The following CADPS variants were observed in gnomAD, a reference collection of about 807,000 sequenced individuals.
CADPS encodes the protein calcium dependent secretion activator, also known as calcium-dependent secretion activator 1.
In CADPS, 57 loss-of-function variants were observed where a neutral mutation model predicts 167.3. That is an observed-to-expected ratio of 0.34 (90% CI 0.28 to 0.42). The LOEUF is 0.42. Among genes scored for constraint, CADPS ranks in the 20% least tolerant of loss-of-function variants. CADPS has a pLI of 1.00. For missense variants in CADPS, 1,414 were observed against 1,738.1 expected (o/e 0.81, Z 3.32); for synonymous variants, 676 against 635.3 (o/e 1.06, Z -0.96).
intron 1 of CADPS, among the ~76,000 whole-genome samples, chr3:62,798,543 TTG>T (rs1355858798): frequency 6.6e-6 from 1 of 152,116 alleles, no homozygotes; most frequent in Non-Finnish European, 1.5e-5. Context: ...CACCTTGTGA[TTG>T]TGTGAGTCAA....
intron 6 of CADPS, among the ~76,000 whole-genome samples, chr3:62,629,757 G>GTTTTTTTTTTTTTTTTTTTTTTTTTTTT (rs55956118): frequency 1.9e-4 from 28 of 145,726 alleles, no homozygotes; most frequent in Middle Eastern, 3.6e-3. Flanking sequence ...CTCTGGTACA[G>GTTTTTTTTTTTTTTTTTTTTTTTTTTTT]TTTTTTTTTT....
At chr3:62,817,083 T>C (rs187614364) in intron 1 of CADPS, among the ~76,000 whole-genome samples, 2 of 152,276 alleles carry the variant, frequency 1.3e-5, no homozygotes, top group East Asian at 3.9e-4. Flanking sequence ...CTGGAGTCTC[T>C]AAGGATTTGA....
At chr3:62,642,070 T>C (rs1029619025) in intron 6 of CADPS, among the ~76,000 whole-genome samples, 5 of 150,866 alleles carry the variant, frequency 3.3e-5, no homozygotes, top group African/African-American at 1.2e-4. Context: ...CTTAGACAAA[T>C]TGGGTTATGT....
intron 5 of CADPS, among the ~76,000 whole-genome samples, chr3:62,650,292 C>T (rs1398039074): frequency 6.6e-6 from 1 of 152,068 alleles, no homozygotes; most frequent in African/African-American, 2.4e-5. Context: ...CAGAACTACT[C>T]CTTAGATTAT....
At chr3:62,501,381 T>C (rs776194582) in intron 17 of CADPS, among the ~76,000 whole-genome samples, 1 of 152,224 alleles carries the variant, frequency 6.6e-6, no homozygotes, top group African/African-American at 2.4e-5. Context: ...TTGGGTAATA[T>C]GTGTAGAGTG....
rs149124990 is a variant in CADPS, at chr3:62,697,801, C to T, written c.889-35407G>A. 1.5e-3 allele frequency among the ~76,000 whole-genome samples: 228 copies of T among 152,196 alleles called. 1 individual carries two copies. The highest frequency in any genetic ancestry group is 2.7e-3 in the Non-Finnish European group (182 of 68,014). On this transcript the variant is annotated intron_variant, in intron 3 of 29. Coordinates refer to ENST00000383710, the MANE Select transcript of CADPS (RefSeq NM_003716.4). ...AATTTTTAAATTATGGCCATTCTTG[C>T]AGCAATAAGGTGGTATCACATTGTG... is the stretch of plus-strand genomic sequence containing the variant.
At chr3:62,626,538 T>C (rs1182217769) in intron 6 of CADPS, 1 of 702,916 alleles carries the variant, frequency 1.4e-6, no homozygotes, top group Admixed American at 2.0e-5. Flanking sequence ...AATGGCACTG[T>C]GAGGCAGTTG....
At chr3:62,848,514 A>C (rs375357483) in intron 1 of CADPS, among the ~76,000 whole-genome samples, 15 of 140,326 alleles carry the variant, frequency 1.1e-4, no homozygotes, top group Middle Eastern at 3.8e-3. Flanking sequence ...CCAGTTTTCC[A>C]AGCACCATTT....
At chr3:62,603,354 A>G (rs141546680) in intron 6 of CADPS, among the ~76,000 whole-genome samples, 2 of 152,388 alleles carry the variant, frequency 1.3e-5, no homozygotes, top group East Asian at 1.9e-4. Context: ...GGAAAATTCC[A>G]TGCTATAAAC....
In CADPS at chr3:62,577,126, C is replaced by T. The variant is rs551806129; in HGVS notation, c.1578-6188G>A. Among the ~76,000 whole-genome samples the T allele has an allele frequency of 4.3e-4, 66 of 152,180 alleles. 1 individual carries two copies. Among genetic ancestry groups the T allele is most frequent in the Non-Finnish European group, 6.6e-4 (45 of 67,998 alleles). Reference sequence around the variant, plus strand: ...CCCAAAATTGCTGAATCCTGGAAGACCCCTCTGGCCTCAGTGTCCCTCTGC... The same window carrying T: ...CCCAAAATTGCTGAATCCTGGAAGATCCCTCTGGCCTCAGTGTCCCTCTGC... On this transcript the variant is annotated intron_variant, in intron 8 of 29. Transcript: ENST00000383710.
At chr3:62,515,428 GTGATT>G (rs1466553037) in intron 16 of CADPS, among the ~76,000 whole-genome samples, 5 of 152,184 alleles carry the variant, frequency 3.3e-5, no homozygotes, top group African/African-American at 1.2e-4. Context: ...AGCACCTTTG[GTGATT>G]ACTGGGTCAT....
chr3:62,602,160 A>G lies in CADPS; in HGVS notation c.1326-9412T>C, dbSNP rs79554233. Among the ~76,000 whole-genome samples, 1,666 of 151,980 alleles carry G rather than the reference A, an allele frequency of 0.011. 19 individuals carry two copies. The highest frequency in any genetic ancestry group is 0.038 in the African/African-American group (1,591 of 41,478). ...TAAACATCCACTGCAAACCTTTGAC[A>G]ACAGAGTGATATTTACGAATGCATA... On this transcript the variant is annotated intron_variant, in intron 6 of 29. Coordinates refer to ENST00000383710, the MANE Select transcript of CADPS (RefSeq NM_003716.4). This position sits in a 1 kb window ranked among gnomAD's most constrained non-coding sequence, Gnocchi z 4.4.
chr3:62,650,618 T>C (rs946266543), intron 5 of CADPS, among the ~76,000 whole-genome samples: 12 of 152,188 alleles, frequency 7.9e-5, no homozygotes, highest in African/African-American at 2.9e-4. Flanking sequence ...CAGAAAGTAA[T>C]GCAAGATTAA....
chr3:62,871,078 G>A (rs550457387), intron 1 of CADPS, among the ~76,000 whole-genome samples: 38 of 152,008 alleles, frequency 2.5e-4, no homozygotes, highest in African/African-American at 8.4e-4. Context: ...ATAATATATC[G>A]GTAAATAATA....
At chr3:62,401,101 G>C (rs770964195) in intron 29 of CADPS, among the ~76,000 whole-genome samples, 2 of 152,212 alleles carry the variant, frequency 1.3e-5, no homozygotes, top group Non-Finnish European at 2.9e-5. Flanking sequence ...CAACCTGCAA[G>C]TCTTGCTGAG....
chr3:62,709,895 G>C (rs749390581), intron 3 of CADPS, among the ~76,000 whole-genome samples: 12 of 151,482 alleles, frequency 7.9e-5, no homozygotes, highest in Non-Finnish European at 1.3e-4. Context: ...TCAGCCTCCC[G>C]AGTGGCTGGG....
chr3:62,638,722 A>C (rs1003729482), intron 6 of CADPS, among the ~76,000 whole-genome samples: 1 of 152,152 alleles, frequency 6.6e-6, no homozygotes, highest in Non-Finnish European at 1.5e-5. Flanking sequence ...ATTCCAACTA[A>C]TTTCAGAAAT....
intron 1 of CADPS, among the ~76,000 whole-genome samples, chr3:62,826,186 A>G (rs975901887): frequency 2.0e-5 from 3 of 152,208 alleles, no homozygotes; most frequent in African/African-American, 7.2e-5. Flanking sequence ...TTTCTGAGAC[A>G]TAAGGACTTT....
At chr3:62,493,954 CG>C (rs1190555257) in intron 18 of CADPS, among the ~76,000 whole-genome samples, 1 of 151,986 alleles carries the variant, frequency 6.6e-6, no homozygotes, top group African/African-American at 2.4e-5. Context: ...TAAGTGTAAA[CG>C]TTTTTTAAGC....
Sources: gnomAD v4.1 joint callset for allele counts (sites outside exome capture counted in the v4.1 genomes callset) on GRCh38, gnomAD v4.1.1 for gene constraint, Gnocchi (gnomAD v3.1) non-coding constraint, MANE v1.5 for transcripts, NCBI Gene and HGNC (gene_info 2026-07-23, HGNC 2026-07-21) for gene names.